DNAJC3: variants seen among roughly 807,000 people sequenced by gnomAD.
DNAJC3 encodes the protein DnaJ heat shock protein family (Hsp40) member C3.
A neutral mutation model predicts 68.6 loss-of-function variants in DNAJC3; 38 were observed. The ratio of observed to expected loss-of-function variants is 0.55; its 90% CI spans 0.43 to 0.73. DNAJC3 has a LOEUF of 0.73. Among genes scored for constraint, DNAJC3 ranks in the 30% least tolerant of loss-of-function variants. The pLI, the probability that DNAJC3 is intolerant of heterozygous loss-of-function variation, is 0.00. For synonymous variants in DNAJC3, 203 were observed against 204.0 expected (o/e 1.00, Z 0.04); for missense variants, 526 against 591.9 (o/e 0.89, Z 1.16).
intron 1 of DNAJC3, among the ~76,000 whole-genome samples, chr13:95,689,326 G>A (rs1040393107): frequency 6.7e-6 from 1 of 150,300 alleles, no homozygotes; most frequent in South Asian, 2.1e-4. Flanking sequence ...GTTAAATCTT[G>A]GGAGGTTGTA....
Position 95,677,183 on chromosome 13 carries a change from G to C in DNAJC3, c.-73G>C. 6.9e-7 allele frequency: 1 copy of C among 1,452,438 alleles called. No individual in the cohort carries two copies. Among genetic ancestry groups the C allele is most frequent in the Non-Finnish European group, 9.3e-7 (1 of 1,073,104 alleles). The allele number at this position is 1,452,438 out of a possible 1,614,324, so 90.0% of individuals were successfully genotyped here. A position where few individuals can be genotyped will look rare whatever the true frequency, so the allele number is the denominator to read the frequency against. ...CGAGAGCCGACGGCGGGCGGGCGCAGCTGCTGCCGGAGCGCCGGCGCGTGC... is the reference window on the plus strand; with the variant it reads ...CGAGAGCCGACGGCGGGCGGGCGCACCTGCTGCCGGAGCGCCGGCGCGTGC... On this transcript the variant is annotated 5_prime_UTR_variant, in exon 1 of 12. Transcript: ENST00000602402.
chr13:95,791,377 G>A lies in DNAJC3; in HGVS notation c.*347G>A, dbSNP rs1453605651. 3.8e-5 allele frequency: 11 copies of A among 286,042 alleles called. No individual in the cohort carries two copies. Among genetic ancestry groups the A allele is most frequent in the Middle Eastern group, 1.2e-3 (1 of 836 alleles). 17.7% of individuals were successfully genotyped at this position (286,042 alleles called of 1,614,324 possible). A position where few individuals can be genotyped will look rare whatever the true frequency, so the allele number is the denominator to read the frequency against. ...ATTCTTCTCTTCACAGCCTTGCAGA[G>A]TAAGTCAGTGCCTACAAGTGTAAGA... On this transcript the variant is annotated 3_prime_UTR_variant, in exon 12 of 12. Coordinates refer to ENST00000602402, the MANE Select transcript of DNAJC3 (RefSeq NM_006260.5).
At chr13:95,694,012 A>G (rs1290174864) in intron 1 of DNAJC3, 2 of 152,112 alleles carry the variant, frequency 1.3e-5, no homozygotes, top group Non-Finnish European at 1.5e-5. Flanking sequence ...TTACAACATA[A>G]TCAGCAACAA....
intron 4 of DNAJC3, chr13:95,744,744 T>G (rs1369549035): frequency 6.6e-6 from 1 of 152,240 alleles, no homozygotes; most frequent in Non-Finnish European, 1.5e-5. Flanking sequence ...GGAACCTTGA[T>G]TCCACAGGAC....
At chr13:95,741,802 T>C (rs1870113100) in intron 4 of DNAJC3, among the ~76,000 whole-genome samples, 1 of 152,094 alleles carries the variant, frequency 6.6e-6, no homozygotes. Flanking sequence ...ACCCTCAGGC[T>C]CCAGGAAGGA....
At chr13:95,753,923 T>C (rs1043342657) in intron 4 of DNAJC3, among the ~76,000 whole-genome samples, 1 of 152,238 alleles carries the variant, frequency 6.6e-6, no homozygotes, top group Admixed American at 6.5e-5. Flanking sequence ...TTCATTCATC[T>C]AGACTTTATT....
At chr13:95,760,600 T>G in intron 6 of DNAJC3, 79 bp from the exon 7 acceptor site, 1 of 1,522,344 alleles carries the variant, frequency 6.6e-7, no homozygotes, top group South Asian at 1.3e-5. Flanking sequence ...CAAAAAATAC[T>G]TTTATTGTGA....
intron 4 of DNAJC3, among the ~76,000 whole-genome samples, chr13:95,726,438 T>C (rs1881525198): frequency 6.6e-6 from 1 of 152,210 alleles, no homozygotes; most frequent in African/African-American, 2.4e-5. Context: ...ATGATGAGCA[T>C]TTTTTCATGT....
At chr13:95,733,379 A>G (rs1236733145) in intron 4 of DNAJC3, among the ~76,000 whole-genome samples, 2 of 152,016 alleles carry the variant, frequency 1.3e-5, no homozygotes, top group Admixed American at 6.6e-5. Context: ...GTTTATTATT[A>G]TATAATGACT....
intron 1 of DNAJC3, among the ~76,000 whole-genome samples, chr13:95,706,931 A>G (rs1382216842): frequency 1.3e-5 from 2 of 152,160 alleles, no homozygotes; most frequent in East Asian, 3.8e-4. Context: ...CTTGATCTGA[A>G]AGTTGGATCT....
chr13:95,729,376 TTCTCCCTCTCCC>T (rs374776275), intron 4 of DNAJC3, among the ~76,000 whole-genome samples: 5 of 128,194 alleles, frequency 3.9e-5, no homozygotes, highest in South Asian at 3.0e-4. Flanking sequence ...CTGCCTATCC[TTCTCCCTCTCCC>T]TCTCCCTCTC....
At chr13:95,726,878 T>C (rs1046471937) in intron 4 of DNAJC3, among the ~76,000 whole-genome samples, 2 of 152,340 alleles carry the variant, frequency 1.3e-5, no homozygotes, top group Admixed American at 1.3e-4. Context: ...ATCATAACAC[T>C]TGTCACAATA....
chr13:95,769,031 A>ATATCTATATCTATATCTAT (rs1555328547), intron 9 of DNAJC3, among the ~76,000 whole-genome samples: 1 of 105,284 alleles, frequency 9.5e-6, no homozygotes, highest in Non-Finnish European at 2.0e-5. Flanking sequence ...ATCTATATCT[A>ATATCTATATCTATATCTAT]ATCTATATCT....
intron 4 of DNAJC3, 33 bp from the exon 5 acceptor site, chr13:95,757,611 A>T (rs764178492): frequency 1.3e-6 from 2 of 1,513,508 alleles, no homozygotes; most frequent in African/African-American, 2.8e-5. Flanking sequence ...TAAGAGATTA[A>T]AAACTCTGCT....
At chr13:95,757,851 T>G (rs940536578) in intron 5 of DNAJC3, 55 bp downstream of exon 5, 8 of 1,457,224 alleles carry the variant, frequency 5.5e-6, no homozygotes, top group Non-Finnish European at 7.4e-6. Flanking sequence ...TAAGGCACAT[T>G]TATATACTTC....
rs1282736885 is a variant in DNAJC3 at position 95,791,514 on chromosome 13, C to T, written c.*484C>T. The T allele has an allele frequency of 2.4e-5, 4 of 165,714 alleles. No individual in the cohort carries two copies. In the East Asian group the frequency reaches 5.6e-4, roughly 23 times the overall value. The allele number at this position is 165,714 out of a possible 1,614,324, so 10.3% of individuals were successfully genotyped here. ...AACTGTGCTTCGATGTGGTCAGTCTCGTCACTTGTGAGTAGCTGTGAAATC... is the reference window on the plus strand; with the variant it reads ...AACTGTGCTTCGATGTGGTCAGTCTTGTCACTTGTGAGTAGCTGTGAAATC... On this transcript the variant is annotated 3_prime_UTR_variant, in exon 12 of 12. Coordinates refer to ENST00000602402, the MANE Select transcript of DNAJC3 (RefSeq NM_006260.5).
At chr13:95,707,835 G>A (rs986775465) in intron 1 of DNAJC3, among the ~76,000 whole-genome samples, 25 of 152,318 alleles carry the variant, frequency 1.6e-4, no homozygotes, top group African/African-American at 6.0e-4. Flanking sequence ...GCTTATTGGA[G>A]AAGGTATAGC....
chr13:95,760,133 G>A lies in DNAJC3; in HGVS notation c.640G>A (p.Ala214Thr), dbSNP rs1285644375. ...GAAAGCTATAAGTGACTTAAAAGCT[G>A]CGTCAAAGTTGAAGAATGATAATAC... ...PRKAISDLKA[A>T]SKLKNDNTEA... The change falls in exon 6 of 12, where the codon GCG becomes ACG. Residue 214 changes from alanine (A) to threonine (T), a missense_variant. Transcript: ENST00000602402. 5.0e-6 allele frequency: 8 copies of A among 1,613,000 alleles called. No individual in the cohort carries two copies. The South Asian group carries it at 7.7e-5, about 16-fold the overall frequency.
intron 4 of DNAJC3, among the ~76,000 whole-genome samples, chr13:95,754,706 T>A (rs1882597295): frequency 6.6e-6 from 1 of 152,022 alleles, no homozygotes; most frequent in African/African-American, 2.4e-5. Flanking sequence ...TTCTGTTTGT[T>A]AAAAGGAGTT....
Sources: gnomAD v4.1 joint callset for allele counts (sites outside exome capture counted in the v4.1 genomes callset) on GRCh38, gnomAD v4.1.1 for gene constraint, MANE v1.5 for transcripts, NCBI Gene and HGNC (gene_info 2026-07-23, HGNC 2026-07-21) for gene names.